Variants in SPMIP2 observed in about 807,000 individuals in gnomAD.
The protein encoded by SPMIP2 is sperm microtubule inner protein 2.
the SPMIP2 span, among the ~76,000 whole-genome samples, chr4:158,952,638 A>G: frequency 6.6e-6 from 1 of 152,222 alleles, no homozygotes; most frequent in Non-Finnish European, 1.5e-5. Flanking sequence ...TAACAGGCAG[A>G]GGTTGGAACA....
the SPMIP2 span, among the ~76,000 whole-genome samples, chr4:159,019,823 A>G: frequency 1.3e-5 from 2 of 152,220 alleles, no homozygotes; most frequent in Non-Finnish European, 2.9e-5. Context: ...GATGCCAGCC[A>G]TCTGGCCTGC....
chr4:159,034,029 C>T, the SPMIP2 span, among the ~76,000 whole-genome samples: 9 of 152,062 alleles, frequency 5.9e-5, no homozygotes, highest in Non-Finnish European at 1.0e-4. Context: ...CCTAGCTACT[C>T]GGGAGACTGA....
chr4:159,023,245 G>T, the SPMIP2 span, among the ~76,000 whole-genome samples: 1 of 152,178 alleles, frequency 6.6e-6, no homozygotes, highest in Non-Finnish European at 1.5e-5. Flanking sequence ...CCATGTGAGT[G>T]AGCATCATCC....
the SPMIP2 span, among the ~76,000 whole-genome samples, chr4:158,980,251 G>C: frequency 2.0e-5 from 3 of 152,160 alleles, no homozygotes; most frequent in Admixed American, 1.3e-4. Context: ...CAGAGCATAT[G>C]GGGGAAGGGG....
the SPMIP2 span, among the ~76,000 whole-genome samples, chr4:158,966,312 T>C: frequency 6.6e-6 from 1 of 152,200 alleles, no homozygotes; most frequent in South Asian, 2.1e-4. Context: ...GTGTTGTATA[T>C]GAATAATAGG....
At chr4:158,901,482 C>T in the SPMIP2 span, among the ~76,000 whole-genome samples, 3 of 151,986 alleles carry the variant, frequency 2.0e-5, no homozygotes, top group African/African-American at 4.8e-5. Flanking sequence ...TTGCTCTTCT[C>T]GAGGAGTATC....
chr4:159,036,644 T>C, the SPMIP2 span, among the ~76,000 whole-genome samples: 1 of 152,182 alleles, frequency 6.6e-6, no homozygotes, highest in Admixed American at 6.5e-5. Flanking sequence ...ACAAATGTAT[T>C]ATACAAGAGT....
chr4:158,964,598 A>G, the SPMIP2 span, among the ~76,000 whole-genome samples: 1 of 111,478 alleles, frequency 9.0e-6, no homozygotes, highest in African/African-American at 2.7e-5. Flanking sequence ...AAGGGGAGAA[A>G]AGGAATATAA....
the SPMIP2 span, among the ~76,000 whole-genome samples, chr4:158,939,983 G>T: frequency 6.6e-6 from 1 of 152,178 alleles, no homozygotes; most frequent in Non-Finnish European, 1.5e-5. Flanking sequence ...GGATTGATCT[G>T]CATCAGGTTG....
At chr4:159,076,856 G>A in the SPMIP2 span, among the ~76,000 whole-genome samples, 6 of 134,336 alleles carry the variant, frequency 4.5e-5, no homozygotes, top group Non-Finnish European at 3.2e-5. Flanking sequence ...TTTTTTTTTT[G>A]AGATGGAGTC....
chr4:158,986,522 C>T, the SPMIP2 span, among the ~76,000 whole-genome samples: 7 of 151,862 alleles, frequency 4.6e-5, no homozygotes, highest in Admixed American at 1.3e-4. Context: ...TTGAGAAAAG[C>T]AATGGAGAAA....
At chr4:158,936,241 A>G in the SPMIP2 span, among the ~76,000 whole-genome samples, 10 of 152,228 alleles carry the variant, frequency 6.6e-5, no homozygotes, top group East Asian at 1.9e-3. Context: ...AAGAAAGAAA[A>G]TCACTGTTTG....
At chr4:158,981,056 C>A in the SPMIP2 span, among the ~76,000 whole-genome samples, 1,015 of 152,202 alleles carry the variant, frequency 6.7e-3, 12 homozygotes, top group African/African-American at 0.022. Context: ...CTCTGTGAAG[C>A]ATACACAAGT....
At chr4:158,964,329 A>AT in the SPMIP2 span, among the ~76,000 whole-genome samples, 1 of 150,522 alleles carries the variant, frequency 6.6e-6, no homozygotes, top group South Asian at 2.1e-4. Context: ...TTCCACAACC[A>AT]TATGAACTTG....
the SPMIP2 span, among the ~76,000 whole-genome samples, chr4:158,924,543 C>A: frequency 1.3e-5 from 2 of 152,102 alleles, no homozygotes; most frequent in Non-Finnish European, 2.9e-5. Context: ...CCATGCCTGG[C>A]TAATTTTTTT....
the SPMIP2 span, among the ~76,000 whole-genome samples, chr4:158,945,345 C>G: frequency 6.6e-6 from 1 of 150,694 alleles, no homozygotes; most frequent in Non-Finnish European, 1.5e-5. Context: ...TCAGAATTAC[C>G]TATGTGCCCA....
the SPMIP2 span, among the ~76,000 whole-genome samples, chr4:159,071,413 G>A: frequency 1.3e-5 from 2 of 152,164 alleles, no homozygotes; most frequent in Non-Finnish European, 2.9e-5. Flanking sequence ...AAGAACAGGA[G>A]GAGCCTTGGA....
the SPMIP2 span, among the ~76,000 whole-genome samples, chr4:158,971,915 C>T: frequency 6.6e-6 from 1 of 152,102 alleles, no homozygotes; most frequent in Admixed American, 6.5e-5. Flanking sequence ...GTGAAGTGGG[C>T]CTCTGAATAC....
At chr4:158,998,462 G>A in the SPMIP2 span, among the ~76,000 whole-genome samples, 6 of 152,102 alleles carry the variant, frequency 3.9e-5, no homozygotes, top group Non-Finnish European at 8.8e-5. Flanking sequence ...ATAAAAGAAC[G>A]TACTTTTTAT....
Sources: allele counts gnomAD v4.1 joint callset (sites outside exome capture counted in the v4.1 genomes callset), GRCh38; gene constraint gnomAD v4.1.1; transcripts MANE v1.5; gene names NCBI Gene and HGNC (gene_info 2026-07-23, HGNC 2026-07-21).